The following FAM120C variants were observed in gnomAD, a reference collection of about 807,000 sequenced individuals.
FAM120C encodes the protein family with sequence similarity 120 member C.
FAM120C carries 14 observed loss-of-function variants against 71.2 expected under a neutral mutation model. That is an observed-to-expected ratio of 0.20 (90% CI 0.13 to 0.31). The LOEUF is 0.31. Ranked by LOEUF, FAM120C falls within the 10% of genes least tolerant of loss-of-function variation. The pLI is 1.00. For missense variants in FAM120C, 500 were observed against 879.0 expected (o/e 0.57, Z 5.45); for synonymous variants, 354 against 353.2 (o/e 1.00, Z -0.03).
At chrX:54,078,199 T>A (rs1341479375) in intron 15 of FAM120C, among the ~76,000 whole-genome samples, 1 of 107,377 alleles carries the variant, frequency 9.3e-6, no homozygotes, top group East Asian at 2.9e-4. Flanking sequence ...CGCCTCGGCC[T>A]CCCAAAGTGC....
At chrX:54,078,165 G>A (rs1479122882) in intron 15 of FAM120C, among the ~76,000 whole-genome samples, 1 of 105,512 alleles carries the variant, frequency 9.5e-6, no homozygotes, top group Non-Finnish European at 2.0e-5. Context: ...GGATGGTCTC[G>A]ATCTCCTGAC....
At chrX:54,083,674 AC>A (rs782739556) in intron 13 of FAM120C, among the ~76,000 whole-genome samples, 2 of 110,696 alleles carry the variant, frequency 1.8e-5, no homozygotes, top group Non-Finnish European at 3.8e-5. Flanking sequence ...TTTATATAAA[AC>A]TTTATAAAAC....
intron 3 of FAM120C, among the ~76,000 whole-genome samples, chrX:54,153,024 C>G (rs782593378): frequency 1.8e-5 from 2 of 111,568 alleles, no homozygotes; most frequent in Non-Finnish European, 3.8e-5. Flanking sequence ...GGTGAAACCC[C>G]GTCTCTACTA....
intron 4 of FAM120C, among the ~76,000 whole-genome samples, chrX:54,142,436 G>A (rs1414489196): frequency 8.9e-6 from 1 of 112,287 alleles, no homozygotes; most frequent in Non-Finnish European, 1.9e-5. Flanking sequence ...TATATCTCAC[G>A]CCTGGCTCGG....
intron 15 of FAM120C, among the ~76,000 whole-genome samples, chrX:54,079,258 C>T (rs1309586344): frequency 1.3e-4 from 12 of 92,139 alleles, no homozygotes; most frequent in Non-Finnish European, 2.3e-4. Flanking sequence ...CGAGACTCAT[C>T]TCAAAAAAAA....
intron 10 of FAM120C, among the ~76,000 whole-genome samples, chrX:54,108,930 CA>C (rs782522455): frequency 6.6e-4 from 30 of 45,242 alleles, no homozygotes; most frequent in East Asian, 1.3e-3. Context: ...ACTCTGTCTC[CA>C]AAAAAAAAAA....
chrX:54,148,938 T>C (rs1371195900), intron 4 of FAM120C, among the ~76,000 whole-genome samples: 1 of 111,830 alleles, frequency 8.9e-6, no homozygotes, highest in African/African-American at 3.2e-5. Flanking sequence ...GCAATAAATA[T>C]ATCTAATTTT....
intron 10 of FAM120C, among the ~76,000 whole-genome samples, chrX:54,092,692 G>A (rs782018656): frequency 8.1e-4 from 90 of 111,738 alleles, no homozygotes; most frequent in South Asian, 1.5e-3. Context: ...AGACACTGCA[G>A]GATTGTCAGA....
chrX:54,088,372 A>G (rs1043602339), intron 11 of FAM120C, among the ~76,000 whole-genome samples: 8 of 110,219 alleles, frequency 7.3e-5, no homozygotes, highest in Non-Finnish European at 1.3e-4. Context: ...CAGGCAGATC[A>G]CCTGAGGTCA....
chrX:54,115,944 G>T (rs1298504097), intron 10 of FAM120C, among the ~76,000 whole-genome samples: 2 of 111,041 alleles, frequency 1.8e-5, no homozygotes, highest in Admixed American at 9.7e-5. Flanking sequence ...AGCCAGGCAT[G>T]GTGGCACATG....
At chrX:54,181,114 T>A (rs1472456745) in intron 1 of FAM120C, among the ~76,000 whole-genome samples, 2 of 110,207 alleles carry the variant, frequency 1.8e-5, no homozygotes, top group African/African-American at 6.6e-5. Flanking sequence ...AGGCACAGAT[T>A]TGATGCTGAG....
rs1250248975 is a variant in FAM120C, at chrX:54,128,863, G to A, written c.2062+3829C>T. On this transcript the variant is annotated intron_variant, in intron 9 of 15. Transcript: ENST00000375180. ...CAGAACAAAATGAAAAGTCTCCCAT[G>A]TCTACTTCTTTCTACACAGACACAG... 2.7e-5 allele frequency among the ~76,000 whole-genome samples: 3 copies of A among 111,178 alleles called. No individual in the cohort carries two copies. The East Asian group carries it at 8.5e-4, about 32-fold the overall frequency.
intron 1 of FAM120C, among the ~76,000 whole-genome samples, chrX:54,179,531 T>C (rs2067336189): frequency 8.9e-6 from 1 of 111,862 alleles, no homozygotes; most frequent in African/African-American, 3.3e-5. Context: ...TACTTTCAAG[T>C]CTGTGCTACA....
At position 54,137,516 on chromosome X, in the gene FAM120C, C is replaced by T. The variant is rs190554814; in HGVS notation, c.1159-926G>A. ...AATTTTGAATGGCTGCATATTTTGT[C>T]ATTATGAATGTGTCATAAATTATGT... On this transcript the variant is annotated intron_variant, in intron 4 of 15. Transcript: ENST00000375180. Among the ~76,000 whole-genome samples, 9 of 111,927 alleles carry T rather than the reference C, an allele frequency of 8.0e-5. No individual in the cohort carries two copies. In the East Asian group the frequency reaches 2.0e-3, roughly 24 times the overall value.
chrX:54,183,171 G>A lies in FAM120C; in HGVS notation c.28C>T (p.Leu10=), dbSNP rs782242683. The change falls in exon 1 of 16, where the codon CTG becomes TTG. Residue 10 remains leucine, a synonymous_variant. Transcript: ENST00000375180. ...ACGGCCCCGGGACAGCGCTTCTCCA[G>A]GAACTCTTGGAAGCCCTGGACACCC... The part of the protein sequence containing the change: MGVQGFQEF[L]EKRCPGAVVP... 4 of 1,137,259 alleles carry A rather than the reference G, an allele frequency of 3.5e-6. No homozygotes were observed. Among genetic ancestry groups the A allele is most frequent in the Admixed American group, 5.6e-5 (2 of 36,020 alleles). The allele number at this position is 1,137,259 out of a possible 1,213,427, so 93.7% of individuals were successfully genotyped here.
chrX:54,167,510 T>C (rs781825697), intron 1 of FAM120C, among the ~76,000 whole-genome samples: 1 of 111,514 alleles, frequency 9.0e-6, no homozygotes, highest in South Asian at 3.7e-4. Context: ...GTTCAGTGAA[T>C]AGGGGTTGAG....
At chrX:54,152,797 A>C (rs1323506302) in intron 3 of FAM120C, among the ~76,000 whole-genome samples, 14 of 112,560 alleles carry the variant, frequency 1.2e-4, no homozygotes. Flanking sequence ...GCACCAGGGA[A>C]ACAGCAGTGA....
intron 11 of FAM120C, among the ~76,000 whole-genome samples, chrX:54,090,879 A>G (rs982498592): frequency 9.0e-6 from 1 of 111,242 alleles, no homozygotes; most frequent in Non-Finnish European, 1.9e-5. Flanking sequence ...CCTCCCCTCT[A>G]TACTACTGTG....
chrX:54,183,043 C>A lies in FAM120C; in HGVS notation c.156G>T (p.Gly52=), dbSNP rs1206551672. Residue 52 remains glycine, a synonymous_variant, in exon 1 of 16, where the codon GGG becomes GGT. Coordinates refer to ENST00000375180, the MANE Select transcript of FAM120C (RefSeq NM_017848.6). ...CGGAGCCCCTGGCGGCGCGTGGAGCCCCGGGCGCTAGGGCTGCAGTCGGCG... is the reference window on the plus strand; with the variant it reads ...CGGAGCCCCTGGCGGCGCGTGGAGCACCGGGCGCTAGGGCTGCAGTCGGCG... ...QLPPTAALAP[G]APRAARGSVP... is the part of the protein sequence containing the mutation. The A allele has an allele frequency of 6.0e-6, 7 of 1,157,538 alleles. No individual in the cohort carries two copies. In the East Asian group the frequency reaches 2.3e-4, roughly 38 times the overall value.
Sources: gnomAD v4.1 joint callset for allele counts (sites outside exome capture counted in the v4.1 genomes callset) on GRCh38, gnomAD v4.1.1 for gene constraint, MANE v1.5 for transcripts, NCBI Gene and HGNC (gene_info 2026-07-23, HGNC 2026-07-21) for gene names.